NCALD: variants seen among roughly 807,000 people sequenced by gnomAD.
NCALD encodes the protein neurocalcin delta, also known as neurocalcin-delta.
NCALD carries 10 observed loss-of-function variants against 18.6 expected under a neutral mutation model. That is an observed-to-expected ratio of 0.54 (90% CI 0.33 to 0.91). The LOEUF is 0.91. NCALD is among the 40% of genes least tolerant of loss of function. The probability of loss-of-function intolerance (pLI) is 0.03; values close to 1 mark genes in which losing one functional copy is unlikely to be tolerated. For synonymous variants in NCALD, 88 were observed against 87.4 expected, an observed-to-expected ratio of 1.01 and a Z score of -0.04; for missense variants, 184 against 247.6, an observed-to-expected ratio of 0.74 and a Z score of 1.72.
At chr8:102,076,899 C>T (rs1824366109) in intron 1 of NCALD, among the ~76,000 whole-genome samples, 1 of 152,098 alleles carries the variant, frequency 6.6e-6, no homozygotes, top group South Asian at 2.1e-4. Flanking sequence ...CACTTGTGAC[C>T]CTGCTGGCCC....
chr8:101,887,533 G>A (rs878877062), intron 3 of NCALD, among the ~76,000 whole-genome samples: 4 of 152,002 alleles, frequency 2.6e-5, no homozygotes. Context: ...GGAGAAACAG[G>A]CATGCTGGGT....
chr8:102,005,888 G>A (rs1821685120), intron 2 of NCALD, among the ~76,000 whole-genome samples: 1 of 138,044 alleles, frequency 7.2e-6, no homozygotes, highest in Non-Finnish European at 1.6e-5. Context: ...TGGGGTGGGG[G>A]GGCAGGGGGG....
At chr8:101,813,526 G>A (rs896297064) in intron 4 of NCALD, among the ~76,000 whole-genome samples, 4 of 152,046 alleles carry the variant, frequency 2.6e-5, no homozygotes, top group African/African-American at 4.8e-5. Context: ...ATTTGATTTC[G>A]AGACCAATTT....
chr8:101,714,712 G>T (rs1235557310), intron 2 of NCALD, among the ~76,000 whole-genome samples: 1 of 151,620 alleles, frequency 6.6e-6, no homozygotes, highest in Non-Finnish European at 1.5e-5. Context: ...GAACAAAGCT[G>T]GGGGCCGGGC....
At chr8:102,070,562 C>T (rs951772766) in intron 1 of NCALD, among the ~76,000 whole-genome samples, 5 of 152,296 alleles carry the variant, frequency 3.3e-5, no homozygotes, top group Middle Eastern at 3.4e-3. Flanking sequence ...AAATACTTTA[C>T]AAATCTACTG....
intron 1 of NCALD, among the ~76,000 whole-genome samples, chr8:101,772,934 T>A (rs1185299691): frequency 2.0e-5 from 3 of 152,178 alleles, no homozygotes; most frequent in Non-Finnish European, 4.4e-5. Flanking sequence ...CAGAAAGGGG[T>A]AGGAGTAGAC....
intron 1 of NCALD, among the ~76,000 whole-genome samples, chr8:102,116,576 G>A (rs77777232): frequency 2.6e-5 from 4 of 152,186 alleles, no homozygotes; most frequent in Admixed American, 6.5e-5. Flanking sequence ...TCCACCTCCC[G>A]GGCCCAAGAG....
rs1373477001 is a variant in NCALD, at chr8:101,689,493, G to A, written c.485-87C>T. On this transcript the variant is annotated intron_variant, in intron 3 of 3. Transcript: ENST00000220931. The surrounding 1 kb of genome is among the most constrained non-coding windows in gnomAD (Gnocchi z 4.4). ...CCACTACTGCGTGCTGGGCAGTGTC[G>A]ATTCACCTGCCTGCAGCCTCACTGC... The A allele has an allele frequency of 4.9e-6, 5 of 1,012,532 alleles. No homozygotes were observed. Among genetic ancestry groups the A allele is most frequent in the African/African-American group, 1.6e-5 (1 of 62,624 alleles). The allele number at this position is 1,012,532 out of a possible 1,614,324, so 62.7% of individuals were successfully genotyped here.
chr8:102,107,833 T>C (rs772665716), intron 1 of NCALD, among the ~76,000 whole-genome samples: 1 of 152,140 alleles, frequency 6.6e-6, no homozygotes, highest in African/African-American at 2.4e-5. Context: ...TGGAAATGCA[T>C]TTAGAGTTCC....
chr8:101,845,776 T>G (rs1221832137), intron 4 of NCALD, among the ~76,000 whole-genome samples: 2 of 152,204 alleles, frequency 1.3e-5, no homozygotes, highest in South Asian at 4.1e-4. Context: ...GAACTTATTC[T>G]TTCCATCTAA....
chr8:101,690,708 T>C, intron 3 of NCALD: 1 of 985,468 alleles, frequency 1.0e-6, no homozygotes, highest in Admixed American at 6.1e-5. Context: ...TATTAATTTA[T>C]TTTTAATTTG....
At chr8:101,917,530 C>A (rs1818012069) in intron 2 of NCALD, among the ~76,000 whole-genome samples, 2 of 151,590 alleles carry the variant, frequency 1.3e-5, no homozygotes, top group Admixed American at 1.3e-4. Context: ...TACGAAGAAG[C>A]AACAAAACTA....
intron 2 of NCALD, among the ~76,000 whole-genome samples, chr8:102,000,081 C>T (rs535704562): frequency 3.2e-4 from 49 of 152,184 alleles, no homozygotes; most frequent in Non-Finnish European, 5.4e-4. Context: ...CGAAGCAGGG[C>T]GAGGCATTGC....
At chr8:101,770,893 G>T (rs972905234) in intron 1 of NCALD, among the ~76,000 whole-genome samples, 5 of 152,118 alleles carry the variant, frequency 3.3e-5, no homozygotes, top group African/African-American at 1.2e-4. Context: ...ACAATGCAGG[G>T]TTAAGAAAAT....
intron 3 of NCALD, among the ~76,000 whole-genome samples, chr8:101,889,496 T>C (rs989476339): frequency 1.3e-5 from 2 of 152,222 alleles, no homozygotes; most frequent in South Asian, 2.1e-4. Flanking sequence ...CTGAATACTA[T>C]ACAAACAGGC....
chr8:101,995,455 A>G (rs903115586), intron 2 of NCALD, among the ~76,000 whole-genome samples: 7 of 152,344 alleles, frequency 4.6e-5, no homozygotes, highest in African/African-American at 1.4e-4. Context: ...TATAGGAAGC[A>G]CAGTGGCATA....
At chr8:101,766,900 A>G (rs868174452) in intron 1 of NCALD, among the ~76,000 whole-genome samples, 1 of 152,198 alleles carries the variant, frequency 6.6e-6, no homozygotes, top group Middle Eastern at 3.2e-3. Flanking sequence ...TTTTAAAACT[A>G]TATATGTATA....
chr8:101,957,288 G>GATT, intron 2 of NCALD, among the ~76,000 whole-genome samples: 1 of 128,252 alleles, frequency 7.8e-6, no homozygotes, highest in South Asian at 2.6e-4. Context: ...GAAAAGTTGG[G>GATT]GTTTTTTTTT....
At chr8:101,757,416 C>A (rs546592649) in intron 1 of NCALD, among the ~76,000 whole-genome samples, 38 of 152,288 alleles carry the variant, frequency 2.5e-4, no homozygotes, top group African/African-American at 7.5e-4. Flanking sequence ...CAGAGCATGT[C>A]CTGACCTCTG....
Sources: gnomAD v4.1 joint callset for allele counts (sites outside exome capture counted in the v4.1 genomes callset) on GRCh38, gnomAD v4.1.1 for gene constraint, Gnocchi (gnomAD v3.1) non-coding constraint, MANE v1.5 for transcripts, NCBI Gene and HGNC (gene_info 2026-07-23, HGNC 2026-07-21) for gene names.